RERG: variants seen among roughly 807,000 people sequenced by gnomAD.
RERG encodes the protein ras-related and estrogen-regulated growth inhibitor.
RERG carries 25 observed loss-of-function variants against 23.2 expected under a neutral mutation model. The ratio of observed to expected loss-of-function variants is 1.08; its 90% CI spans 0.79 to 1.50. RERG has a LOEUF of 1.50. Ranked by LOEUF, RERG falls within the 40% of genes most tolerant of loss-of-function variation. The pLI is 0.00. For synonymous variants in RERG, 81 were observed against 89.1 expected, an observed-to-expected ratio of 0.91 and a Z score of 0.51; for missense variants, 253 against 250.1, an observed-to-expected ratio of 1.01 and a Z score of -0.08.
chr12:15,175,497 G>C (rs61743034), intron 2 of RERG, among the ~76,000 whole-genome samples: 2 of 151,812 alleles, frequency 1.3e-5, no homozygotes, highest in African/African-American at 2.4e-5. Flanking sequence ...GACTGGGGCC[G>C]TCTCAGGTCT....
At chr12:15,199,055 C>T (rs117458579) in intron 2 of RERG, among the ~76,000 whole-genome samples, 1,990 of 152,270 alleles carry the variant, frequency 0.013, 23 homozygotes, top group Non-Finnish European at 0.016. Context: ...ACAGTCTTCT[C>T]TCTGGTCCCT....
intron 3 of RERG, among the ~76,000 whole-genome samples, chr12:15,118,398 T>C (rs1182636871): frequency 6.6e-6 from 1 of 152,182 alleles, no homozygotes; most frequent in East Asian, 1.9e-4. Flanking sequence ...AACTGCCCCA[T>C]GTTTCTCAGG....
At chr12:15,200,973 T>C (rs915739589) in intron 2 of RERG, among the ~76,000 whole-genome samples, 9 of 151,902 alleles carry the variant, frequency 5.9e-5, no homozygotes, top group Non-Finnish European at 1.2e-4. Flanking sequence ...TTCCTTCACA[T>C]ACTGCTGGGC....
intron 2 of RERG, among the ~76,000 whole-genome samples, chr12:15,128,308 G>A (rs1335429642): frequency 1.3e-5 from 2 of 152,130 alleles, no homozygotes; most frequent in African/African-American, 2.4e-5. Context: ...TCTTGAAAAC[G>A]TCTTTAAGAA....
chr12:15,133,687 C>T (rs1864093218), intron 2 of RERG, among the ~76,000 whole-genome samples: 1 of 150,348 alleles, frequency 6.7e-6, no homozygotes. Flanking sequence ...TCCAAAGTAG[C>T]TACACCACTT....
At chr12:15,129,939 C>T (rs1864015275) in intron 2 of RERG, among the ~76,000 whole-genome samples, 1 of 152,008 alleles carries the variant, frequency 6.6e-6, no homozygotes, top group Non-Finnish European at 1.5e-5. Context: ...GGGATTAGTG[C>T]AAAGACTCCA....
intron 2 of RERG, among the ~76,000 whole-genome samples, chr12:15,172,187 T>G (rs894569143): frequency 6.6e-6 from 1 of 152,178 alleles, no homozygotes; most frequent in Non-Finnish European, 1.5e-5. Flanking sequence ...TCTGTGTCTA[T>G]AGATTTTCTT....
chr12:15,190,315 A>T lies in RERG; in HGVS notation c.61+27114T>A, dbSNP rs543791986. Among the ~76,000 whole-genome samples, 285 of 152,060 alleles carry T rather than the reference A, an allele frequency of 1.9e-3. 1 individual carries two copies. Among genetic ancestry groups the T allele is most frequent in the African/African-American group, 6.7e-3 (278 of 41,562 alleles). On this transcript the variant is annotated intron_variant, in intron 2 of 4. Coordinates refer to ENST00000256953, the MANE Select transcript of RERG (RefSeq NM_032918.3). ...ACATTAATGATAGCTGATAAACTTT[A>T]AAAAAATCACAAAAGAATCTCATAA... is the stretch of plus-strand genomic sequence containing the variant.
chr12:15,128,962 G>A (rs1358814152), intron 2 of RERG, among the ~76,000 whole-genome samples: 1 of 152,118 alleles, frequency 6.6e-6, no homozygotes, highest in African/African-American at 2.4e-5. Context: ...TCAAGTTCAT[G>A]TTCTTTTTTA....
At chr12:15,148,498 A>G (rs1218771454) in intron 2 of RERG, among the ~76,000 whole-genome samples, 1 of 152,216 alleles carries the variant, frequency 6.6e-6, no homozygotes, top group Non-Finnish European at 1.5e-5. Flanking sequence ...CACAGAGATG[A>G]GTGTTGCAAG....
chr12:15,135,189 A>G (rs1290032245), intron 2 of RERG, among the ~76,000 whole-genome samples: 2 of 152,200 alleles, frequency 1.3e-5, no homozygotes, highest in Non-Finnish European at 2.9e-5. Context: ...TGCTAACATA[A>G]ATGGTAGAAT....
chr12:15,208,818 T>A (rs187969153), intron 2 of RERG, among the ~76,000 whole-genome samples: 101 of 152,332 alleles, frequency 6.6e-4, no homozygotes, highest in African/African-American at 2.4e-3. Flanking sequence ...TTAATTTTTA[T>A]AACGATAAGA....
chr12:15,137,053 A>G (rs1305742241), intron 2 of RERG, among the ~76,000 whole-genome samples: 1 of 151,930 alleles, frequency 6.6e-6, no homozygotes, highest in Non-Finnish European at 1.5e-5. Flanking sequence ...AAGTTCCATC[A>G]GGTTTTACCT....
At chr12:15,122,325 T>C (rs1863847165) in intron 2 of RERG, among the ~76,000 whole-genome samples, 2 of 152,194 alleles carry the variant, frequency 1.3e-5, no homozygotes. Flanking sequence ...AACTAGTTAG[T>C]GGAAGGTCAC....
intron 2 of RERG, among the ~76,000 whole-genome samples, chr12:15,147,870 A>G (rs555403247): frequency 2.0e-5 from 3 of 152,344 alleles, no homozygotes; most frequent in Non-Finnish European, 4.4e-5. Flanking sequence ...GTCTTAATGG[A>G]TAATATTAAT....
At chr12:15,145,356 T>G (rs556634144) in intron 2 of RERG, among the ~76,000 whole-genome samples, 1 of 152,190 alleles carries the variant, frequency 6.6e-6, no homozygotes, top group East Asian at 1.9e-4. Context: ...TGTGAAGAAG[T>G]TGGAACAAGG....
At chr12:15,198,857 A>G (rs80197942) in intron 2 of RERG, among the ~76,000 whole-genome samples, 8,470 of 152,260 alleles carry the variant, frequency 0.056, 778 homozygotes, top group African/African-American at 0.19. Flanking sequence ...CAGCCTGGGA[A>G]GGTTCTTCGC....
intron 2 of RERG, among the ~76,000 whole-genome samples, chr12:15,144,191 G>GTTGGAGGGTAGGGATTGAAAGCCAGTT (rs1864290481): frequency 6.6e-6 from 1 of 152,212 alleles, no homozygotes; most frequent in Non-Finnish European, 1.5e-5. Flanking sequence ...GGAAAAGCAG[G>GTTGGAGGGTAGGGATTGAAAGCCAGTT]TTGGAGGGTA....
chr12:15,203,192 G>C (rs1865240928), intron 2 of RERG, among the ~76,000 whole-genome samples: 1 of 151,702 alleles, frequency 6.6e-6, no homozygotes, highest in South Asian at 2.1e-4. Flanking sequence ...TTGCTGAGCT[G>C]TAGGAGTGCC....
Sources: gnomAD v4.1 joint callset for allele counts (sites outside exome capture counted in the v4.1 genomes callset) on GRCh38, gnomAD v4.1.1 for gene constraint, MANE v1.5 for transcripts, NCBI Gene and HGNC (gene_info 2026-07-23, HGNC 2026-07-21) for gene names.